HMBOX1: variants seen among roughly 807,000 people sequenced by gnomAD.
The protein encoded by HMBOX1 is homeobox containing 1, also known as homeobox-containing protein 1.
HMBOX1 carries 14 observed loss-of-function variants against 54.5 expected under a neutral mutation model. The observed-to-expected ratio is 0.26, with a 90% CI of 0.17 to 0.40. The LOEUF is 0.40. Ranked by LOEUF, HMBOX1 falls within the 10% of genes least tolerant of loss-of-function variation. HMBOX1 has a pLI of 1.00. For synonymous variants in HMBOX1, 160 were observed against 181.0 expected, an observed-to-expected ratio of 0.88 and a Z score of 0.93; for missense variants, 332 against 514.4, an observed-to-expected ratio of 0.65 and a Z score of 3.43.
intron 6 of HMBOX1, among the ~76,000 whole-genome samples, chr8:29,027,444 T>C (rs963686364): frequency 1.5e-4 from 23 of 152,332 alleles, no homozygotes; most frequent in African/African-American, 5.1e-4. Context: ...TCCTTACTAA[T>C]CTTTCAGCAT....
Position 29,051,252 on chromosome 8 carries a change from C to A in HMBOX1, c.*97C>A. On this transcript the variant is annotated 3_prime_UTR_variant, in exon 10 of 10. Coordinates refer to ENST00000287701, the MANE Select transcript of HMBOX1 (RefSeq NM_001135726.3). ...ACATGTGTTCTTACAGTATAACTTG[C>A]AGTTTCTTGTATGTCAGGTAGCTGT... The A allele has an allele frequency of 7.3e-7, 1 of 1,372,956 alleles. No homozygotes were observed. Among genetic ancestry groups the A allele is most frequent in the Non-Finnish European group, 1.0e-6 (1 of 995,114 alleles). The allele number at this position is 1,372,956 out of a possible 1,614,324, so 85.0% of individuals were successfully genotyped here.
At chr8:28,979,105 C>A (rs907553188) in intron 3 of HMBOX1, among the ~76,000 whole-genome samples, 2 of 152,024 alleles carry the variant, frequency 1.3e-5, no homozygotes, top group Admixed American at 1.3e-4. Flanking sequence ...ATTTGCTGAC[C>A]CCTGTGTTAG....
At chr8:28,923,933 A>G (rs1477380784) in intron 1 of HMBOX1, among the ~76,000 whole-genome samples, 2 of 149,488 alleles carry the variant, frequency 1.3e-5, no homozygotes, top group East Asian at 4.0e-4. Flanking sequence ...GCCTGTTTAA[A>G]CCCTTTGCCC....
Position 28,976,650 on chromosome 8 carries a change from GATAAAGC to G in HMBOX1, c.501-3420_501-3414del, listed in dbSNP as rs1474123304. ...TTTTAAGTCTTTTGTTTTGCTTTTT[GATAAAGC>G]TCTCTGGTAAAACAGTGAAGAGCTT... On this transcript the variant is annotated intron_variant, in intron 3 of 9. Transcript: ENST00000287701. Among the ~76,000 whole-genome samples, 3 of 151,146 alleles carry G rather than the reference GATAAAGC, an allele frequency of 2.0e-5. No individual in the cohort carries two copies. The East Asian group carries it at 5.8e-4, about 29-fold the overall frequency.
chr8:28,984,402 A>G (rs917709705), intron 4 of HMBOX1, among the ~76,000 whole-genome samples: 5 of 152,246 alleles, frequency 3.3e-5, no homozygotes, highest in African/African-American at 1.2e-4. Context: ...ATTATAACAC[A>G]TGTGCTTGTT....
intron 1 of HMBOX1, among the ~76,000 whole-genome samples, chr8:28,942,737 A>G (rs1283960431): frequency 6.6e-6 from 1 of 152,150 alleles, no homozygotes; most frequent in African/African-American, 2.4e-5. Context: ...TGGCTATACT[A>G]TAACTTATTT....
At chr8:28,963,703 A>G in intron 1 of HMBOX1, 108 bp from the exon 2 acceptor site, 1 of 511,952 alleles carries the variant, frequency 2.0e-6, no homozygotes, top group South Asian at 3.5e-5. Context: ...AATATTTAAC[A>G]TGATTAGCTA....
At chr8:29,043,857 GAA>G (rs1410326662) in intron 6 of HMBOX1, among the ~76,000 whole-genome samples, 1 of 152,152 alleles carries the variant, frequency 6.6e-6, no homozygotes, top group Admixed American at 6.5e-5. Context: ...TAGTGACTTG[GAA>G]AAATCCTCCG....
chr8:28,919,820 G>C (rs1217415969), intron 1 of HMBOX1, among the ~76,000 whole-genome samples: 1 of 152,108 alleles, frequency 6.6e-6, no homozygotes, highest in Non-Finnish European at 1.5e-5. Context: ...ACCTAAGCAA[G>C]AACAAGCAAA....
At chr8:28,973,471 A>G (rs1408139149) in intron 3 of HMBOX1, among the ~76,000 whole-genome samples, 2 of 152,206 alleles carry the variant, frequency 1.3e-5, no homozygotes, top group East Asian at 1.9e-4. Context: ...TGCTGCTTCA[A>G]AACAATCACT....
chr8:29,017,642 A>G (rs1176592017), intron 5 of HMBOX1, among the ~76,000 whole-genome samples: 1 of 152,204 alleles, frequency 6.6e-6, no homozygotes, highest in African/African-American at 2.4e-5. Flanking sequence ...AAGAGTGGGT[A>G]TCTATTTACT....
chr8:28,905,571 A>C (rs893893946), intron 1 of HMBOX1, among the ~76,000 whole-genome samples: 26 of 152,210 alleles, frequency 1.7e-4, no homozygotes, highest in Admixed American at 5.2e-4. Flanking sequence ...TAACTTCACA[A>C]ATCTTTAGGT....
At chr8:28,990,409 C>G (rs1830811196) in intron 4 of HMBOX1, among the ~76,000 whole-genome samples, 1 of 152,116 alleles carries the variant, frequency 6.6e-6, no homozygotes, top group Non-Finnish European at 1.5e-5. Context: ...TGTATTTTAT[C>G]AAATGCTTTT....
chr8:28,901,504 T>G (rs961924794), intron 1 of HMBOX1, among the ~76,000 whole-genome samples: 4 of 152,152 alleles, frequency 2.6e-5, no homozygotes, highest in Non-Finnish European at 4.4e-5. Context: ...CCATAACATC[T>G]CTTAGATTAT....
chr8:29,049,590 A>C, intron 9 of HMBOX1: 2 of 634,124 alleles, frequency 3.2e-6, no homozygotes, highest in Non-Finnish European at 5.1e-6. Context: ...GCATCCTCTC[A>C]TAAGTGCAAT....
chr8:29,037,113 C>G (rs1406235523), intron 6 of HMBOX1, among the ~76,000 whole-genome samples: 1 of 152,138 alleles, frequency 6.6e-6, no homozygotes, highest in East Asian at 1.9e-4. Context: ...TGAAAACTTA[C>G]AGAAACTCAT....
At chr8:28,919,877 C>T (rs1413272302) in intron 1 of HMBOX1, among the ~76,000 whole-genome samples, 1 of 152,024 alleles carries the variant, frequency 6.6e-6, no homozygotes, top group Non-Finnish European at 1.5e-5. Context: ...AAAATGAATA[C>T]TCAAGAGATC....
chr8:28,930,887 A>C (rs1819371874), intron 1 of HMBOX1, among the ~76,000 whole-genome samples: 1 of 152,136 alleles, frequency 6.6e-6, no homozygotes, highest in African/African-American at 2.4e-5. Context: ...TCTTATCTCG[A>C]CATTTAGATT....
chr8:29,012,883 C>T (rs938680833), intron 5 of HMBOX1, among the ~76,000 whole-genome samples: 1 of 151,986 alleles, frequency 6.6e-6, no homozygotes, highest in Non-Finnish European at 1.5e-5. Context: ...TGATTTTTAT[C>T]AAGTAATTCT....
Sources: allele counts gnomAD v4.1 joint callset (sites outside exome capture counted in the v4.1 genomes callset), GRCh38; gene constraint gnomAD v4.1.1; transcripts MANE v1.5; gene names NCBI Gene and HGNC (gene_info 2026-07-23, HGNC 2026-07-21).